The following PDPK1 variants were observed in gnomAD, a reference collection of about 807,000 sequenced individuals.
The protein encoded by PDPK1 is 3-phosphoinositide-dependent protein kinase 1.
Under a neutral mutation model 39.8 loss-of-function variants are expected in PDPK1, and 7 were observed. The ratio of observed to expected loss-of-function variants is 0.18; its 90% CI spans 0.10 to 0.33. The LOEUF is 0.33. Among genes scored for constraint, PDPK1 ranks in the 10% least tolerant of loss-of-function variants. The pLI is 1.00. For missense variants in PDPK1, 182 were observed against 384.7 expected, an observed-to-expected ratio of 0.47 and a Z score of 4.41; for synonymous variants, 118 against 159.1, an observed-to-expected ratio of 0.74 and a Z score of 1.95.
chr16:2,602,646 G>A lies in PDPK1; in HGVS notation c.*4879G>A, dbSNP rs1158480446. 3.0e-5 allele frequency: 7 copies of A among 234,808 alleles called. No individual in the cohort carries two copies. The highest frequency in any genetic ancestry group is 1.3e-4 in the African/African-American group (6 of 45,452). 14.5% of individuals were successfully genotyped at this position (234,808 alleles called of 1,614,324 possible). ...AAATTAAATTGTTACAGTATTTAGA[G>A]CTGCTGTAGCTGTTCCTTCACAACA... On this transcript the variant is annotated 3_prime_UTR_variant, in exon 14 of 14. Coordinates refer to ENST00000342085, the MANE Select transcript of PDPK1 (RefSeq NM_002613.5).
chr16:2,592,735 G>A (rs573274264), intron 11 of PDPK1: 47 of 453,358 alleles, frequency 1.0e-4, no homozygotes, highest in African/African-American at 6.8e-4. Context: ...TGTTTCTGTC[G>A]TGAGCTGGCA....
intron 1 of PDPK1, chr16:2,539,054 G>C (rs2066193422): frequency 4.9e-6 from 1 of 203,394 alleles, no homozygotes; most frequent in Non-Finnish European, 1.0e-5. Flanking sequence ...AAATTTAATT[G>C]ATCCCGTGTC....
intron 1 of PDPK1, among the ~76,000 whole-genome samples, chr16:2,546,370 G>T (rs1387755805): frequency 2.0e-5 from 3 of 151,592 alleles, no homozygotes; most frequent in Admixed American, 1.3e-4. Flanking sequence ...GTCTCGCTCT[G>T]TCGCCCAGTC....
intron 1 of PDPK1, among the ~76,000 whole-genome samples, chr16:2,540,458 G>A (rs1393397347): frequency 6.6e-6 from 1 of 152,176 alleles, no homozygotes; most frequent in African/African-American, 2.4e-5. Flanking sequence ...TGCCTCATAA[G>A]TGGTAGAGAC....
intron 1 of PDPK1, among the ~76,000 whole-genome samples, chr16:2,551,725 G>T (rs1387525052): frequency 2.4e-4 from 35 of 147,758 alleles, no homozygotes; most frequent in Non-Finnish European, 4.0e-4. Context: ...GGAATGCGGT[G>T]ACGCAATCTC....
intron 1 of PDPK1, chr16:2,538,778 G>C: frequency 1.6e-6 from 2 of 1,279,110 alleles, no homozygotes. Context: ...ACAGGTAGGA[G>C]GGATTTTAGG....
chr16:2,544,171 T>C (rs113005019), intron 1 of PDPK1, among the ~76,000 whole-genome samples: 1 of 152,108 alleles, frequency 6.6e-6, no homozygotes, highest in Non-Finnish European at 1.5e-5. Context: ...CAACCTATGG[T>C]TGGGGATGGC....
At chr16:2,591,061 C>G (rs1187713877) in intron 11 of PDPK1, among the ~76,000 whole-genome samples, 1 of 151,460 alleles carries the variant, frequency 6.6e-6, no homozygotes, top group Non-Finnish European at 1.5e-5. Flanking sequence ...CTCCCAGGTT[C>G]AAGCATTTCT....
Position 2,601,950 on chromosome 16 carries a change from A to G in PDPK1, c.*4183A>G. 1 of 232,900 alleles carries G rather than the reference A, an allele frequency of 4.3e-6. No individual in the cohort carries two copies. Among genetic ancestry groups the G allele is most frequent in the Non-Finnish European group, 8.5e-6 (1 of 117,142 alleles). The allele number at this position is 232,900 out of a possible 1,614,324, so 14.4% of individuals were successfully genotyped here. A position where few individuals can be genotyped will look rare whatever the true frequency, so the allele number is the denominator to read the frequency against. ...AGGGGAACGTGCAGGAGGTTTTTCTAGGCACCGTGTTCAGTGCTGCTTCAC... is the reference window on the plus strand; with the variant it reads ...AGGGGAACGTGCAGGAGGTTTTTCTGGGCACCGTGTTCAGTGCTGCTTCAC... On this transcript the variant is annotated 3_prime_UTR_variant, in exon 14 of 14. Coordinates refer to ENST00000342085, the MANE Select transcript of PDPK1 (RefSeq NM_002613.5).
chr16:2,597,356 C>T lies in PDPK1; in HGVS notation c.1554+81C>T. 7.8e-7 allele frequency: 1 copy of T among 1,283,464 alleles called. No individual in the cohort carries two copies. Among genetic ancestry groups the T allele is most frequent in the South Asian group, 1.4e-5 (1 of 70,562 alleles). The allele number at this position is 1,283,464 out of a possible 1,614,324, so 79.5% of individuals were successfully genotyped here. A position where few individuals can be genotyped will look rare whatever the true frequency, so the allele number is the denominator to read the frequency against. On this transcript the variant is annotated intron_variant, in intron 13 of 13. Transcript: ENST00000342085. This position sits in a 1 kb window ranked among gnomAD's most constrained non-coding sequence, Gnocchi z 6.3. ...CGTGGGAAGCAGCCACAGGCCTTGG[C>T]CAGAGGGAGCAGCGGGGATCGGGGC...
intron 11 of PDPK1, among the ~76,000 whole-genome samples, chr16:2,587,245 G>T (rs1011388107): frequency 3.3e-5 from 5 of 152,152 alleles, no homozygotes; most frequent in African/African-American, 1.2e-4. Flanking sequence ...TTCCCCACTT[G>T]TCCATTTATG....
chr16:2,545,635 C>T (rs749747185), intron 1 of PDPK1, among the ~76,000 whole-genome samples: 2 of 151,992 alleles, frequency 1.3e-5, no homozygotes, highest in East Asian at 1.9e-4. Flanking sequence ...GCTAGGATTA[C>T]AGGCGCCCAC....
intron 12 of PDPK1, 49 bp downstream of exon 12, chr16:2,595,899 C>G: frequency 7.0e-7 from 1 of 1,431,474 alleles, no homozygotes. Context: ...TGCATCTTCC[C>G]CGACTCCAGC....
chr16:2,586,802 G>GA lies in PDPK1; in HGVS notation c.1253dup (p.Asp418GlufsTer8). 1 of 1,614,240 alleles carries GA rather than the reference G, an allele frequency of 6.2e-7. No homozygotes were observed. The highest frequency in any genetic ancestry group is 8.5e-7 in the Non-Finnish European group (1 of 1,180,036). On this transcript the variant is annotated frameshift_variant, in exon 11 of 14. Coordinates refer to ENST00000342085, the MANE Select transcript of PDPK1 (RefSeq NM_002613.5). LOFTEE classifies it high-confidence loss of function. ...CAGCAACATAGAGCAGTACATTCAC[G>GA]ATCTGGACTCGAACTCCTTTGAACT... is the stretch of plus-strand genomic sequence containing the variant.
At chr16:2,596,154 T>TA (rs2067097267) in intron 12 of PDPK1, among the ~76,000 whole-genome samples, 1 of 152,236 alleles carries the variant, frequency 6.6e-6, no homozygotes, top group Non-Finnish European at 1.5e-5. Context: ...AGTGGTCTAA[T>TA]ATTTCTTTAG....
intron 1 of PDPK1, among the ~76,000 whole-genome samples, chr16:2,540,425 G>C (rs186313915): frequency 6.6e-5 from 10 of 152,316 alleles, no homozygotes; most frequent in Admixed American, 5.9e-4. Flanking sequence ...TGCAGAAGCT[G>C]AGCTGCAGAG....
At chr16:2,544,475 G>A (rs758244404) in intron 1 of PDPK1, among the ~76,000 whole-genome samples, 2 of 152,134 alleles carry the variant, frequency 1.3e-5, no homozygotes, top group Non-Finnish European at 2.9e-5. Context: ...TTTCAAAACC[G>A]AAGAATAGTT....
chr16:2,553,410 C>G (rs940310120), intron 1 of PDPK1, among the ~76,000 whole-genome samples: 1 of 129,420 alleles, frequency 7.7e-6, no homozygotes, highest in African/African-American at 3.3e-5. Flanking sequence ...GAGTGCAGTG[C>G]TATGACCACG....
chr16:2,592,261 A>G (rs2067004252), intron 11 of PDPK1, among the ~76,000 whole-genome samples: 1 of 152,196 alleles, frequency 6.6e-6, no homozygotes, highest in Non-Finnish European at 1.5e-5. Flanking sequence ...ATTGCCCTGC[A>G]TCCTCCTCTG....
Sources: allele counts gnomAD v4.1 joint callset (sites outside exome capture counted in the v4.1 genomes callset), GRCh38; gene constraint gnomAD v4.1.1; non-coding constraint Gnocchi (gnomAD v3.1); transcripts MANE v1.5; gene names NCBI Gene and HGNC (gene_info 2026-07-23, HGNC 2026-07-21).